The following LRRC7 variants were observed in gnomAD, a reference collection of about 807,000 sequenced individuals.
LRRC7 encodes the protein leucine rich repeat containing 7, also known as leucine-rich repeat-containing protein 7.
Under a neutral mutation model 175.7 loss-of-function variants are expected in LRRC7, and 23 were observed. That is an observed-to-expected ratio of 0.13 (90% CI 0.09 to 0.19). The LOEUF (loss-of-function observed/expected upper bound fraction) is 0.19, where lower values mean the gene tolerates loss of function less well. Among genes scored for constraint, LRRC7 ranks in the 10% least tolerant of loss-of-function variants. The pLI, the probability that LRRC7 is intolerant of heterozygous loss-of-function variation, is 1.00. For synonymous variants in LRRC7, 685 were observed against 680.9 expected (o/e 1.01, Z -0.09); for missense variants, 1,354 against 1,904.7 (o/e 0.71, Z 5.38).
intron 1 of LRRC7, among the ~76,000 whole-genome samples, chr1:69,654,985 T>A (rs1022198218): frequency 2.0e-5 from 3 of 152,092 alleles, no homozygotes; most frequent in African/African-American, 7.2e-5. Context: ...TTGTCATTCA[T>A]CATAACTGAG....
chr1:69,964,200 T>C (rs1418026531), intron 8 of LRRC7, among the ~76,000 whole-genome samples: 2 of 152,222 alleles, frequency 1.3e-5, no homozygotes. Context: ...AAAATAGAGA[T>C]AGTAGCTAAT....
At chr1:69,719,369 C>A (rs545130547) in intron 2 of LRRC7, among the ~76,000 whole-genome samples, 6 of 151,462 alleles carry the variant, frequency 4.0e-5, no homozygotes, top group Admixed American at 6.6e-5. Flanking sequence ...TGGATCATTC[C>A]CACATTCTTT....
intron 17 of LRRC7, among the ~76,000 whole-genome samples, chr1:70,027,597 T>G (rs962644087): frequency 1.3e-5 from 2 of 152,156 alleles, no homozygotes; most frequent in Non-Finnish European, 2.9e-5. Flanking sequence ...AAGCATTTTT[T>G]CCCCTTAGGG....
intron 1 of LRRC7, among the ~76,000 whole-genome samples, chr1:69,569,707 C>G (rs1645655878): frequency 6.6e-6 from 1 of 151,942 alleles, no homozygotes; most frequent in Non-Finnish European, 1.5e-5. Flanking sequence ...GAATAAAGGA[C>G]CCGCCTCCGC....
intron 1 of LRRC7, among the ~76,000 whole-genome samples, chr1:69,653,176 T>G (rs1656110422): frequency 6.6e-6 from 1 of 152,050 alleles, no homozygotes; most frequent in African/African-American, 2.4e-5. Context: ...GGAGAAAATA[T>G]TTACACATGA....
At chr1:69,781,924 G>GAA (rs1553155325) in intron 3 of LRRC7, among the ~76,000 whole-genome samples, 17 of 139,456 alleles carry the variant, frequency 1.2e-4, no homozygotes, top group South Asian at 2.3e-4. Context: ...AAGAAAGAAA[G>GAA]AAAGAAAGAA....
chr1:69,681,124 G>C (rs1234286740), intron 2 of LRRC7, among the ~76,000 whole-genome samples: 1 of 151,984 alleles, frequency 6.6e-6, no homozygotes, highest in African/African-American at 2.4e-5. Context: ...ATATCATAAA[G>C]CTGAAATTCT....
rs12069225 is a variant in LRRC7, at chr1:69,694,775, G to A, written c.100+16297G>A. On this transcript the variant is annotated intron_variant, in intron 2 of 26. Transcript: ENST00000651989. ...TTCCTCTTCCTCCTTCTCAGCATGT[G>A]ATATGCCAGTTCACCCTTTGACTTC... Among the ~76,000 whole-genome samples the A allele has an allele frequency of 9.0e-3, 1,369 of 151,692 alleles. 26 individuals are homozygous for A. The highest frequency in any genetic ancestry group is 0.032 in the African/African-American group (1,333 of 41,396).
intron 1 of LRRC7, among the ~76,000 whole-genome samples, chr1:69,587,436 C>G (rs1224361661): frequency 6.6e-6 from 1 of 152,146 alleles, no homozygotes; most frequent in Non-Finnish European, 1.5e-5. Flanking sequence ...GGGGTCCTCC[C>G]ATCTTGAGAT....
At chr1:69,781,230 ATTC>A (rs1673445048) in intron 3 of LRRC7, among the ~76,000 whole-genome samples, 1 of 151,954 alleles carries the variant, frequency 6.6e-6, no homozygotes, top group Non-Finnish European at 1.5e-5. Context: ...GTCTTCTGTA[ATTC>A]TTCTGGGGCC....
intron 2 of LRRC7, among the ~76,000 whole-genome samples, chr1:69,707,339 A>G (rs754331040): frequency 6.6e-6 from 1 of 151,930 alleles, no homozygotes; most frequent in Admixed American, 6.6e-5. Flanking sequence ...TAAATAGCCA[A>G]CCCTCTTCAT....
In LRRC7 at chr1:69,848,233, G is replaced by GT. The variant is rs1160427246; in HGVS notation, c.647+9957dup. Among the ~76,000 whole-genome samples the GT allele has an allele frequency of 7.9e-5, 12 of 152,030 alleles. No homozygotes were observed. The South Asian group carries it at 1.0e-3, about 13-fold the overall frequency. ...ATATAATAAGCTTAATTCTGTGAGGGTTTTTTTGTTATCTTGAATATATTA... is the reference window on the plus strand; with the variant it reads ...ATATAATAAGCTTAATTCTGTGAGGGTTTTTTTTGTTATCTTGAATATATTA... On this transcript the variant is annotated intron_variant, in intron 7 of 26. Transcript: ENST00000651989.
intron 6 of LRRC7, among the ~76,000 whole-genome samples, chr1:69,836,691 C>T (rs1681146909): frequency 1.3e-5 from 2 of 151,838 alleles, no homozygotes; most frequent in African/African-American, 2.4e-5. Flanking sequence ...AGATTCTGTA[C>T]TCCTAAAAGC....
chr1:69,608,872 A>C (rs1394663145), intron 1 of LRRC7, among the ~76,000 whole-genome samples: 19 of 48,314 alleles, frequency 3.9e-4, no homozygotes, highest in African/African-American at 2.0e-3. Context: ...CTCTCTATAT[A>C]TATATATATA....
intron 8 of LRRC7, among the ~76,000 whole-genome samples, chr1:69,950,300 G>T (rs1649786462): frequency 6.6e-6 from 1 of 152,020 alleles, no homozygotes; most frequent in South Asian, 2.1e-4. Context: ...AGGCAGAGAG[G>T]TCCAGGGTAA....
At chr1:69,900,120 TA>T (rs1288289197) in intron 7 of LRRC7, among the ~76,000 whole-genome samples, 15 of 152,316 alleles carry the variant, frequency 9.8e-5, no homozygotes, top group African/African-American at 3.4e-4. Flanking sequence ...GTAGGCTGTA[TA>T]AAAAGAACAG....
intron 11 of LRRC7, among the ~76,000 whole-genome samples, chr1:70,004,391 G>T (rs189478062): frequency 6.6e-6 from 1 of 152,144 alleles, no homozygotes; most frequent in Non-Finnish European, 1.5e-5. Context: ...CCTAAATTAA[G>T]TGAAATTGAT....
At chr1:69,697,188 A>AT (rs1662718832) in intron 2 of LRRC7, among the ~76,000 whole-genome samples, 1 of 151,654 alleles carries the variant, frequency 6.6e-6, no homozygotes, top group Non-Finnish European at 1.5e-5. Context: ...CTATTTTTTT[A>AT]TTTTTTTCCC....
At chr1:70,112,168 A>T (rs908271832) in intron 26 of LRRC7, among the ~76,000 whole-genome samples, 1 of 152,202 alleles carries the variant, frequency 6.6e-6, no homozygotes, top group Non-Finnish European at 1.5e-5. Flanking sequence ...CAGTTCAAGA[A>T]ACTACTGTCA....
Sources: gnomAD v4.1 joint callset for allele counts (sites outside exome capture counted in the v4.1 genomes callset) on GRCh38, gnomAD v4.1.1 for gene constraint, MANE v1.5 for transcripts, NCBI Gene and HGNC (gene_info 2026-07-23, HGNC 2026-07-21) for gene names.